The following METTL2A variants were observed in gnomAD, a reference collection of about 807,000 sequenced individuals.
The protein encoded by METTL2A is tRNA N(3)-cytidine methyltransferase METTL2A.
METTL2A carries 45 observed loss-of-function variants against 49.4 expected under a neutral mutation model. The observed-to-expected ratio is 0.91, with a 90% confidence interval of 0.72 to 1.17. The LOEUF (loss-of-function observed/expected upper bound fraction) is 1.17. METTL2A is among the 50% of genes most tolerant of loss of function. The pLI is 0.00. For synonymous variants in METTL2A, 118 were observed against 167.5 expected (o/e 0.70, Z 2.28); for missense variants, 361 against 462.2 (o/e 0.78, Z 2.01).
chr17:62,426,658 A>C lies in METTL2A; in HGVS notation c.558+4A>C, dbSNP rs1314691004. The stretch of plus-strand genomic sequence containing the variant: ...AGCCACCTACCGAATACTGGAGGTA[A>C]CCTTTTATTGTCTTGGTAGTGGGAT... On this transcript the variant is annotated splice_donor_region_variant and intron_variant, in intron 3 of 8. Coordinates refer to ENST00000311506, the MANE Select transcript of METTL2A (RefSeq NM_181725.4). The C allele has an allele frequency of 3.4e-6, 4 of 1,166,640 alleles. No homozygotes were observed. The Admixed American group carries it at 8.3e-5, about 24-fold the overall frequency. The allele number at this position is 1,166,640 out of a possible 1,614,324, so 72.3% of individuals were successfully genotyped here.
rs557010787 is a variant in METTL2A at position 62,451,961 on chromosome 17, G to A, written c.*3232G>A. Among the ~76,000 whole-genome samples, 10 of 151,828 alleles carry A rather than the reference G, an allele frequency of 6.6e-5. No homozygotes were observed. The highest frequency in any genetic ancestry group is 1.2e-4 in the Non-Finnish European group (8 of 68,016). ...TGTAATCCCAGCTATTTGGGAGGGT[G>A]GCTCTAGAGAATCATTTGAACCTGG... On this transcript the variant is annotated 3_prime_UTR_variant, in exon 9 of 9. Transcript: ENST00000311506.
intron 6 of METTL2A, 64 bp from the exon 7 acceptor site, chr17:62,444,773 A>G: frequency 1.3e-6 from 2 of 1,545,826 alleles, no homozygotes; most frequent in Admixed American, 3.5e-5. Context: ...GGGATATGCT[A>G]CAGGGAAAGA....
intron 2 of METTL2A, among the ~76,000 whole-genome samples, chr17:62,425,908 G>A (rs895884297): frequency 2.6e-5 from 4 of 151,432 alleles, no homozygotes; most frequent in African/African-American, 9.7e-5. Flanking sequence ...GGATGAGGCA[G>A]GAGAATGGCA....
At position 62,448,872 on chromosome 17, in the gene METTL2A, G is replaced by C; in HGVS notation, c.*143G>C. 1 of 1,319,498 alleles carries C rather than the reference G, an allele frequency of 7.6e-7. No individual in the cohort carries two copies. Among genetic ancestry groups the C allele is most frequent in the Non-Finnish European group, 1.0e-6 (1 of 987,448 alleles). The allele number at this position is 1,319,498 out of a possible 1,614,324, so 81.7% of individuals were successfully genotyped here. A position where few individuals can be genotyped will look rare whatever the true frequency, so the allele number is the denominator to read the frequency against. ...CGGGGAGGATCCATTGAGCCCAGCA[G>C]TCCAACCTGGGCAAAATAGTGAGAG... On this transcript the variant is annotated 3_prime_UTR_variant, in exon 9 of 9. Coordinates refer to ENST00000311506, the MANE Select transcript of METTL2A (RefSeq NM_181725.4).
At chr17:62,442,055 A>G (rs956966771) in intron 6 of METTL2A, among the ~76,000 whole-genome samples, 4 of 152,198 alleles carry the variant, frequency 2.6e-5, no homozygotes, top group South Asian at 2.1e-4. Flanking sequence ...CGCCCAGCCT[A>G]TTGGCCTTTT....
intron 5 of METTL2A, among the ~76,000 whole-genome samples, chr17:62,439,345 T>G (rs1338538089): frequency 6.6e-6 from 1 of 152,180 alleles, no homozygotes; most frequent in Non-Finnish European, 1.5e-5. Flanking sequence ...GCTCAAGTGA[T>G]CCTCCTGCCT....
chr17:62,433,904 A>C (rs1364808610), intron 4 of METTL2A, among the ~76,000 whole-genome samples: 1 of 152,146 alleles, frequency 6.6e-6, no homozygotes. Context: ...TCTACTAAAA[A>C]TACAAAAATT....
intron 4 of METTL2A, among the ~76,000 whole-genome samples, chr17:62,433,657 T>C (rs1193781619): frequency 6.6e-6 from 1 of 151,102 alleles, no homozygotes; most frequent in East Asian, 1.9e-4. Context: ...AGAGAATCAC[T>C]TGAACCTGGG....
intron 4 of METTL2A, 68 bp from the exon 5 acceptor site, chr17:62,435,164 A>G: frequency 6.2e-7 from 1 of 1,609,722 alleles, no homozygotes; most frequent in Non-Finnish European, 8.5e-7. Flanking sequence ...TAACTGTGCT[A>G]CACAAGAATG....
Position 62,448,840 on chromosome 17 carries a change from G to A in METTL2A, c.*111G>A. On this transcript the variant is annotated 3_prime_UTR_variant, in exon 9 of 9. Coordinates refer to ENST00000311506, the MANE Select transcript of METTL2A (RefSeq NM_181725.4). ...GCCTGTAATCCCAGCCACTCAGGAGGCTGAGGCGGGGAGGATCCATTGAGC... is the reference window on the plus strand; with the variant it reads ...GCCTGTAATCCCAGCCACTCAGGAGACTGAGGCGGGGAGGATCCATTGAGC... 2 of 1,509,934 alleles carry A rather than the reference G, an allele frequency of 1.3e-6. No homozygotes were observed. Among genetic ancestry groups the A allele is most frequent in the East Asian group, 2.3e-5 (1 of 43,440 alleles). 93.5% of individuals were successfully genotyped at this position (1,509,934 alleles called of 1,614,324 possible).
chr17:62,439,506 T>C (rs2070723815), intron 5 of METTL2A, among the ~76,000 whole-genome samples: 1 of 152,056 alleles, frequency 6.6e-6, no homozygotes, highest in African/African-American at 2.4e-5. Flanking sequence ...CCATCTCAGC[T>C]TACTGAAAGC....
chr17:62,444,146 G>T (rs1455030065), intron 6 of METTL2A, among the ~76,000 whole-genome samples: 1 of 152,212 alleles, frequency 6.6e-6, no homozygotes, highest in Admixed American at 6.5e-5. Flanking sequence ...GTCTAATGAT[G>T]CAGGCAGATA....
intron 4 of METTL2A, among the ~76,000 whole-genome samples, chr17:62,432,366 G>C (rs2070671181): frequency 6.6e-6 from 1 of 152,150 alleles, no homozygotes; most frequent in Admixed American, 6.6e-5. Context: ...AAGCAATCAT[G>C]GATTGAAAAT....
chr17:62,447,587 T>C, intron 7 of METTL2A, 114 bp from the exon 8 acceptor site: 1 of 1,110,910 alleles, frequency 9.0e-7, no homozygotes, highest in Admixed American at 1.9e-5. Context: ...CCCGAAGCAC[T>C]GAGGCAGGAG....
chr17:62,444,876 AC>A lies in METTL2A; in HGVS notation c.851del (p.Pro284LeufsTer4). The A allele has an allele frequency of 1.2e-6, 2 of 1,613,932 alleles. No homozygotes were observed. The highest frequency in any genetic ancestry group is 1.1e-5 in the South Asian group (1 of 91,066). ...AINRLSRLLK[P>X]GGMMLLRDYG... is the part of the protein sequence containing the mutation. ...TCAACAGGCTGAGCAGGCTTCTGAA[AC>A]CTGGCGGGATGATGCTTCTGCGAGA... On this transcript the variant is annotated frameshift_variant, in exon 7 of 9. Coordinates refer to ENST00000311506, the MANE Select transcript of METTL2A (RefSeq NM_181725.4). LOFTEE classifies it high-confidence loss of function.
At chr17:62,436,001 CG>C (rs1164851197) in intron 5 of METTL2A, among the ~76,000 whole-genome samples, 3 of 151,724 alleles carry the variant, frequency 2.0e-5, no homozygotes, top group African/African-American at 7.3e-5. Context: ...TTTGGGAGGC[CG>C]GGGTGGGCAG....
At chr17:62,444,993 G>C (rs538150351) in intron 7 of METTL2A, 50 bp downstream of exon 7, 1 of 1,584,708 alleles carries the variant, frequency 6.3e-7, no homozygotes, top group East Asian at 2.3e-5. Flanking sequence ...GTCCTTTGCA[G>C]GGACATGGAT....
Position 62,450,194 on chromosome 17 carries a change from T to G in METTL2A, c.*1465T>G, listed in dbSNP as rs1250981554. The G allele has an allele frequency of 6.6e-6, 1 of 151,410 alleles. No individual in the cohort carries two copies. The highest frequency in any genetic ancestry group is 6.6e-5 in the Admixed American group (1 of 15,148). 9.4% of individuals were successfully genotyped at this position (151,410 alleles called of 1,614,324 possible). On this transcript the variant is annotated 3_prime_UTR_variant, in exon 9 of 9. Transcript: ENST00000311506. ...AAGGAATTGAGGGAACTTCTTAATT[T>G]TAACCACATCATCACTTCACTTCTG...
At chr17:62,441,535 C>T (rs1268792779) in intron 6 of METTL2A, among the ~76,000 whole-genome samples, 1 of 152,128 alleles carries the variant, frequency 6.6e-6, no homozygotes. Flanking sequence ...CAACCTCCAC[C>T]TCCCCGGTTC....
Sources: allele counts gnomAD v4.1 joint callset (sites outside exome capture counted in the v4.1 genomes callset), GRCh38; gene constraint gnomAD v4.1.1; transcripts MANE v1.5; gene names NCBI Gene and HGNC (gene_info 2026-07-23, HGNC 2026-07-21).